Variants in ALDH1A2 observed in about 807,000 individuals in gnomAD.
ALDH1A2 encodes the protein retinal dehydrogenase 2.
In ALDH1A2, 27 loss-of-function variants were observed where a neutral mutation model predicts 60.3. The observed-to-expected ratio is 0.45, with a 90% confidence interval of 0.33 to 0.62. The LOEUF is 0.62. Among genes scored for constraint, ALDH1A2 ranks in the 20% least tolerant of loss-of-function variants. The pLI is 0.02. For missense variants in ALDH1A2, 581 were observed against 643.8 expected (o/e 0.90, Z 1.06); for synonymous variants, 289 against 232.4 (o/e 1.24, Z -2.21).
intron 1 of ALDH1A2, among the ~76,000 whole-genome samples, chr15:58,064,742 T>C (rs1897128615): frequency 6.6e-6 from 1 of 152,198 alleles, no homozygotes; most frequent in Non-Finnish European, 1.5e-5. Flanking sequence ...TTTTTTTCTA[T>C]GTCGAATTTG....
intron 7 of ALDH1A2, among the ~76,000 whole-genome samples, chr15:57,985,894 C>G (rs1201194736): frequency 6.6e-6 from 1 of 152,140 alleles, no homozygotes; most frequent in Non-Finnish European, 1.5e-5. Flanking sequence ...GAGTAAAGTA[C>G]TGCTTAAATA....
chr15:57,993,152 T>C, intron 5 of ALDH1A2, 79 bp from the exon 6 acceptor site: 3 of 1,529,192 alleles, frequency 2.0e-6, no homozygotes, highest in Non-Finnish European at 2.7e-6. Context: ...ACTTCTCATA[T>C]TTCTCAAACT....
At chr15:58,017,664 G>C (rs1218780921) in intron 1 of ALDH1A2, among the ~76,000 whole-genome samples, 2 of 152,048 alleles carry the variant, frequency 1.3e-5, no homozygotes, top group Non-Finnish European at 2.9e-5. Flanking sequence ...CCAGTTATTT[G>C]CATTCAAAGG....
intron 1 of ALDH1A2, among the ~76,000 whole-genome samples, chr15:58,038,246 C>T (rs1161801975): frequency 6.6e-6 from 1 of 151,550 alleles, no homozygotes; most frequent in Non-Finnish European, 1.5e-5. Context: ...TTTCTTTCTT[C>T]TCCAGGCCAA....
intron 4 of ALDH1A2, among the ~76,000 whole-genome samples, chr15:58,007,968 G>A (rs776272244): frequency 3.9e-5 from 6 of 152,064 alleles, no homozygotes; most frequent in Non-Finnish European, 8.8e-5. Flanking sequence ...CCCTGATTTA[G>A]TCCAGCTACA....
intron 1 of ALDH1A2, among the ~76,000 whole-genome samples, chr15:58,038,851 T>C (rs866441455): frequency 6.6e-6 from 1 of 151,814 alleles, no homozygotes; most frequent in East Asian, 1.9e-4. Flanking sequence ...CACATTTAAA[T>C]TGGCAGTAAA....
At chr15:58,033,092 ATTGT>A (rs1896288410) in intron 1 of ALDH1A2, among the ~76,000 whole-genome samples, 1 of 151,992 alleles carries the variant, frequency 6.6e-6, no homozygotes, top group African/African-American at 2.4e-5. Context: ...GAATAAATTC[ATTGT>A]TTGATAGTAG....
intron 4 of ALDH1A2, among the ~76,000 whole-genome samples, chr15:58,006,074 A>G (rs1157225231): frequency 6.6e-6 from 1 of 151,430 alleles, no homozygotes. Flanking sequence ...GTGTTTGGTT[A>G]CATGAATAAG....
intron 1 of ALDH1A2, among the ~76,000 whole-genome samples, chr15:58,035,343 TTTAG>T (rs1429318406): frequency 6.6e-6 from 1 of 151,642 alleles, no homozygotes; most frequent in Non-Finnish European, 1.5e-5. Flanking sequence ...CTCTTTTTCT[TTTAG>T]TTAGCCAGGC....
At chr15:57,981,286 G>A (rs1453048156) in intron 7 of ALDH1A2, among the ~76,000 whole-genome samples, 1 of 94,140 alleles carries the variant, frequency 1.1e-5, no homozygotes, top group Non-Finnish European at 2.4e-5. Flanking sequence ...AAATAGAAGA[G>A]CAAACACACA....
chr15:58,031,144 C>T (rs1037807594), intron 1 of ALDH1A2, among the ~76,000 whole-genome samples: 3 of 152,080 alleles, frequency 2.0e-5, no homozygotes, highest in Non-Finnish European at 4.4e-5. Context: ...CCAAAACAGC[C>T]TGGTACTAGT....
chr15:58,046,359 G>A (rs1409640238), intron 1 of ALDH1A2, among the ~76,000 whole-genome samples: 1 of 152,086 alleles, frequency 6.6e-6, no homozygotes, highest in Non-Finnish European at 1.5e-5. Flanking sequence ...CAAGACAGGT[G>A]TAGAGTTGCT....
intron 1 of ALDH1A2, among the ~76,000 whole-genome samples, chr15:58,057,129 T>A (rs905572543): frequency 2.0e-5 from 3 of 152,060 alleles, no homozygotes; most frequent in Non-Finnish European, 4.4e-5. Flanking sequence ...GAATGTCCAA[T>A]GCAGCATTAC....
intron 3 of ALDH1A2, among the ~76,000 whole-genome samples, chr15:58,011,773 C>T (rs1369515218): frequency 6.6e-6 from 1 of 152,142 alleles, no homozygotes; most frequent in African/African-American, 2.4e-5. Flanking sequence ...TATATTGGCT[C>T]ACCCTTAAAA....
chr15:57,957,022 G>C (rs760785615), intron 12 of ALDH1A2, among the ~76,000 whole-genome samples: 25 of 152,230 alleles, frequency 1.6e-4, no homozygotes, highest in Non-Finnish European at 2.9e-4. Context: ...CCTGAGCAGT[G>C]ATCTGTGCAC....
chr15:57,958,314 A>C (rs2140445153), intron 12 of ALDH1A2, among the ~76,000 whole-genome samples: 1 of 151,218 alleles, frequency 6.6e-6, no homozygotes, highest in East Asian at 1.9e-4. Flanking sequence ...GCTGAGGTTC[A>C]CAGAATTCTT....
At chr15:57,980,245 C>G in intron 7 of ALDH1A2, 1 of 344,826 alleles carries the variant, frequency 2.9e-6, no homozygotes, top group Admixed American at 3.6e-5. Flanking sequence ...TCTGCGGCCT[C>G]TTAGTCTTGA....
chr15:58,049,824 T>C (rs1403228545), intron 1 of ALDH1A2, among the ~76,000 whole-genome samples: 1 of 152,124 alleles, frequency 6.6e-6, no homozygotes, highest in Admixed American at 6.6e-5. Flanking sequence ...ATGGCTTTTA[T>C]GTACCCCCCT....
chr15:58,049,956 A>G (rs1283952045), intron 1 of ALDH1A2, among the ~76,000 whole-genome samples: 1 of 151,932 alleles, frequency 6.6e-6, no homozygotes, highest in Non-Finnish European at 1.5e-5. Context: ...CAGCCTGTTC[A>G]TTTGCAAATG....
Sources: allele counts gnomAD v4.1 joint callset (sites outside exome capture counted in the v4.1 genomes callset), GRCh38; gene constraint gnomAD v4.1.1; transcripts MANE v1.5; gene names NCBI Gene and HGNC (gene_info 2026-07-23, HGNC 2026-07-21).